The following MTMR7 variants were observed in gnomAD, a reference collection of about 807,000 sequenced individuals.
The protein encoded by MTMR7 is myotubularin related protein 7.
A neutral mutation model predicts 81.2 loss-of-function variants in MTMR7; 76 were observed. The ratio of observed to expected loss-of-function variants is 0.94; its 90% CI spans 0.78 to 1.13. The LOEUF (loss-of-function observed/expected upper bound fraction) is 1.13. Ranked by LOEUF, MTMR7 falls within the 50% of genes most tolerant of loss-of-function variation. The probability of loss-of-function intolerance (pLI) is 0.00; values close to 1 mark genes in which losing one functional copy is unlikely to be tolerated. For synonymous variants in MTMR7, 372 were observed against 289.8 expected (o/e 1.28, Z -2.88); for missense variants, 1,044 against 820.0 (o/e 1.27, Z -3.34).
chr8:17,351,522 C>T (rs974223778), intron 4 of MTMR7, among the ~76,000 whole-genome samples: 1 of 152,246 alleles, frequency 6.6e-6, no homozygotes, highest in Non-Finnish European at 1.5e-5. Flanking sequence ...AGAGCTCTCA[C>T]TCTGCAGAGT....
intron 8 of MTMR7, among the ~76,000 whole-genome samples, chr8:17,312,369 G>A (rs557612238): frequency 6.6e-4 from 101 of 152,204 alleles, no homozygotes; most frequent in Admixed American, 6.0e-3. Flanking sequence ...GAGGTCAGGA[G>A]TCCGTGACCA....
chr8:17,346,967 G>C (rs1341999369), intron 5 of MTMR7, among the ~76,000 whole-genome samples: 1 of 151,188 alleles, frequency 6.6e-6, no homozygotes, highest in Non-Finnish European at 1.5e-5. Flanking sequence ...GGCCGAGGCA[G>C]GCAGATCACT....
At chr8:17,360,101 T>C (rs1820014939) in intron 4 of MTMR7, among the ~76,000 whole-genome samples, 1 of 152,206 alleles carries the variant, frequency 6.6e-6, no homozygotes, top group Non-Finnish European at 1.5e-5. Flanking sequence ...GGTAATACTA[T>C]GCAGTGTTTT....
At chr8:17,341,556 C>A in intron 5 of MTMR7, 59 bp from the exon 6 acceptor site, 1 of 1,583,404 alleles carries the variant, frequency 6.3e-7, no homozygotes, top group East Asian at 2.2e-5. Flanking sequence ...ATGAGAGACA[C>A]TCTACGTGTG....
intron 4 of MTMR7, among the ~76,000 whole-genome samples, chr8:17,359,504 T>C (rs1283775104): frequency 6.6e-6 from 1 of 151,516 alleles, no homozygotes; most frequent in Non-Finnish European, 1.5e-5. Flanking sequence ...GTGGATTGCT[T>C]TGGATCTGGA....
intron 3 of MTMR7, among the ~76,000 whole-genome samples, chr8:17,364,214 T>C (rs1039528575): frequency 1.3e-5 from 2 of 151,686 alleles, no homozygotes; most frequent in African/African-American, 4.8e-5. Flanking sequence ...CATTTTTTTT[T>C]AGTAGAGACG....
Position 17,304,599 on chromosome 8 carries a change from G to C in MTMR7, c.1353-80C>G. 7 of 1,456,792 alleles carry C rather than the reference G, an allele frequency of 4.8e-6. No individual in the cohort carries two copies. In the South Asian group the frequency reaches 7.5e-5, roughly 16 times the overall value. 90.2% of individuals were successfully genotyped at this position (1,456,792 alleles called of 1,614,324 possible). On this transcript the variant is annotated intron_variant, in intron 11 of 13. Transcript: ENST00000180173. ...AGATATGTTATATTAATGCTGGAAA[G>C]GAACTAATAATTGTTACCTGAAAAC...
At chr8:17,405,560 G>A (rs11203853) in intron 1 of MTMR7, among the ~76,000 whole-genome samples, 73,182 of 151,708 alleles carry the variant, frequency 0.48, 19,015 homozygotes, top group East Asian at 0.76. Flanking sequence ...TTATTACCCC[G>A]GACAGCAAAT....
chr8:17,309,188 A>T, intron 10 of MTMR7, 89 bp downstream of exon 10: 1 of 897,478 alleles, frequency 1.1e-6, no homozygotes, highest in Non-Finnish European at 1.8e-6. Flanking sequence ...CTCAAAAAAC[A>T]AGACGATTTT....
At chr8:17,382,956 A>C (rs1362215630) in intron 1 of MTMR7, among the ~76,000 whole-genome samples, 4 of 152,118 alleles carry the variant, frequency 2.6e-5, no homozygotes, top group African/African-American at 9.7e-5. Flanking sequence ...ATTGGCTGTA[A>C]GAAGCACTCA....
At chr8:17,308,501 G>A (rs1260907883) in intron 10 of MTMR7, among the ~76,000 whole-genome samples, 3 of 152,176 alleles carry the variant, frequency 2.0e-5, no homozygotes, top group East Asian at 1.9e-4. Context: ...TACTTGAGCA[G>A]TTGCATGCAT....
intron 3 of MTMR7, among the ~76,000 whole-genome samples, chr8:17,366,634 C>A (rs1820231290): frequency 1.3e-5 from 2 of 152,062 alleles, no homozygotes; most frequent in Non-Finnish European, 2.9e-5. Flanking sequence ...CGCCTGTAAT[C>A]CCAGCACTTT....
intron 6 of MTMR7, among the ~76,000 whole-genome samples, chr8:17,336,841 T>A (rs928304951): frequency 8.5e-5 from 13 of 152,122 alleles, no homozygotes; most frequent in African/African-American, 2.9e-4. Flanking sequence ...CCCACAGAGC[T>A]TCCACGTGGA....
At position 17,361,858 on chromosome 8, in the gene MTMR7, TA is replaced by T. The variant is rs996045519; in HGVS notation, c.311-585del. Among the ~76,000 whole-genome samples the T allele has an allele frequency of 5.3e-5, 8 of 152,208 alleles. No homozygotes were observed. The East Asian group carries it at 1.4e-3, about 26-fold the overall frequency. On this transcript the variant is annotated intron_variant, in intron 3 of 13. Coordinates refer to ENST00000180173, the MANE Select transcript of MTMR7 (RefSeq NM_004686.5). Reference sequence around the variant, plus strand: ...GTGCTGCTCATTTGCATAAGATTCATAAAAAAAATCAATTCATACTGCACAG... The same window carrying T: ...GTGCTGCTCATTTGCATAAGATTCATAAAAAAATCAATTCATACTGCACAG...
rs1397455555 is a variant in MTMR7, at chr8:17,313,286, G to A, written c.975+6C>T. 6.3e-7 allele frequency: 1 copy of A among 1,597,794 alleles called. No individual in the cohort carries two copies. Among genetic ancestry groups the A allele is most frequent in the Non-Finnish European group, 8.6e-7 (1 of 1,166,534 alleles). ...CCCTTAATTTATTTTCTCTGCAATT[G>A]CATACCTTTGCAATGAAGATTCCTG... On this transcript the variant is annotated splice_donor_region_variant and intron_variant, in intron 8 of 13. Coordinates refer to ENST00000180173, the MANE Select transcript of MTMR7 (RefSeq NM_004686.5).
chr8:17,336,140 G>A (rs527995327), intron 6 of MTMR7, among the ~76,000 whole-genome samples: 1 of 152,276 alleles, frequency 6.6e-6, no homozygotes, highest in Non-Finnish European at 1.5e-5. Context: ...GCAGGTTTTT[G>A]GAGGTAGGGA....
rs573872770 is a variant in MTMR7, at chr8:17,392,966, TAA to T, written c.25-19728_25-19727del. ...CTATGTGCCATGTTATTTAGTGCTT[TAA>T]GTGTATTCTGTTTAGTCTCTAACAA... On this transcript the variant is annotated intron_variant, in intron 1 of 13. Coordinates refer to ENST00000180173, the MANE Select transcript of MTMR7 (RefSeq NM_004686.5). Among the ~76,000 whole-genome samples, 257 of 152,320 alleles carry T rather than the reference TAA, an allele frequency of 1.7e-3. 1 individual carries two copies. The highest frequency in any genetic ancestry group is 1.7e-3 in the Non-Finnish European group (119 of 68,028).
At chr8:17,333,921 G>C (rs534867696) in intron 6 of MTMR7, among the ~76,000 whole-genome samples, 1 of 152,106 alleles carries the variant, frequency 6.6e-6, no homozygotes, top group East Asian at 1.9e-4. Context: ...AAAAAAGAGA[G>C]ACAGACTACA....
intron 5 of MTMR7, among the ~76,000 whole-genome samples, chr8:17,348,693 G>T (rs113663613): frequency 1.3e-5 from 2 of 152,218 alleles, no homozygotes; most frequent in East Asian, 3.9e-4. Context: ...GTATTCACTT[G>T]CATGATTAGC....
Sources: allele counts gnomAD v4.1 joint callset (sites outside exome capture counted in the v4.1 genomes callset), GRCh38; gene constraint gnomAD v4.1.1; transcripts MANE v1.5; gene names NCBI Gene and HGNC (gene_info 2026-07-23, HGNC 2026-07-21).